Variants in BCL2L13 observed in about 807,000 individuals in gnomAD.
BCL2L13 encodes bcl-2-like protein 13.
In BCL2L13, 13 loss-of-function variants were observed where a neutral mutation model predicts 25.8. That is an observed-to-expected ratio of 0.50 (90% CI 0.33 to 0.80). The LOEUF (loss-of-function observed/expected upper bound fraction) is 0.80, where lower values mean the gene tolerates loss of function less well. Among genes scored for constraint, BCL2L13 ranks in the 30% least tolerant of loss-of-function variants. The pLI is 0.02. For synonymous variants in BCL2L13, 244 were observed against 230.3 expected (o/e 1.06, Z -0.54); for missense variants, 504 against 574.9 (o/e 0.88, Z 1.26).
intron 6 of BCL2L13, among the ~76,000 whole-genome samples, chr22:17,720,158 C>A (rs1283183228): frequency 6.8e-6 from 1 of 146,300 alleles, no homozygotes; most frequent in Admixed American, 6.7e-5. Context: ...GTTTCATTTT[C>A]TTTCTTTCTT....
chr22:17,641,131 C>T (rs1439058732), intron 1 of BCL2L13, among the ~76,000 whole-genome samples: 2 of 152,090 alleles, frequency 1.3e-5, no homozygotes, highest in Non-Finnish European at 2.9e-5. Flanking sequence ...ACCTCGCGAT[C>T]TGCCCGCCTC....
chr22:17,645,727 TG>T (rs1309567104), intron 1 of BCL2L13, among the ~76,000 whole-genome samples: 1 of 151,548 alleles, frequency 6.6e-6, no homozygotes, highest in Non-Finnish European at 1.5e-5. Flanking sequence ...ATGTTTTATT[TG>T]TGGCTGGTTT....
chr22:17,688,939 ATAGATATTG>A, intron 3 of BCL2L13, 38 bp from the exon 4 acceptor site: 1 of 1,572,838 alleles, frequency 6.4e-7, no homozygotes, highest in Non-Finnish European at 8.6e-7. Context: ...AGCTAATTTT[ATAGATATTG>A]TTTATTATAT....
chr22:17,677,954 G>A (rs1246377202), intron 2 of BCL2L13, among the ~76,000 whole-genome samples: 3 of 152,268 alleles, frequency 2.0e-5, no homozygotes, highest in South Asian at 4.1e-4. Flanking sequence ...GCTGAGGTGG[G>A]AAGATCGCTT....
upstream of BCL2L13, among the ~76,000 whole-genome samples, chr22:17,636,398 G>A (rs570080940): frequency 2.0e-5 from 3 of 151,998 alleles, no homozygotes; most frequent in South Asian, 4.2e-4. Context: ...GGAGGCTGAG[G>A]TGGAACAATT....
rs571844627 is a variant in BCL2L13 at position 17,661,656 on chromosome 22, C to T, written c.121+5824C>T. Reference sequence around the variant, plus strand: ...TACACGTAAATAAATAGAAATCCATCTGTCCTTAGAGATTTCACACTTACT... The same window carrying T: ...TACACGTAAATAAATAGAAATCCATTTGTCCTTAGAGATTTCACACTTACT... On this transcript the variant is annotated intron_variant, in intron 2 of 6. Transcript: ENST00000317582. 8.2e-5 allele frequency among the ~76,000 whole-genome samples: 12 copies of T among 145,870 alleles called. 2 individuals are homozygous for T. Among genetic ancestry groups the T allele is most frequent in the African/African-American group, 1.2e-4 (5 of 41,078 alleles).
intron 3 of BCL2L13, among the ~76,000 whole-genome samples, chr22:17,686,218 G>A (rs564306684): frequency 1.1e-4 from 17 of 152,192 alleles, no homozygotes; most frequent in Admixed American, 1.0e-3. Context: ...GGAGGCTGAA[G>A]TGGGTGGATC....
At chr22:17,645,830 T>TGGA (rs2058454652) in intron 1 of BCL2L13, among the ~76,000 whole-genome samples, 2 of 151,444 alleles carry the variant, frequency 1.3e-5, no homozygotes, top group African/African-American at 4.9e-5. Flanking sequence ...TTGGCCCTCT[T>TGGA]TATCCAGTTT....
chr22:17,638,568 G>C (rs11089197), upstream of BCL2L13: 232,365 of 784,414 alleles, frequency 0.3, 36,496 homozygotes, highest in African/African-American at 0.46. Flanking sequence ...TCTGAGAGAC[G>C]GAACTTCCGA....
chr22:17,728,305 C>G lies in BCL2L13; in HGVS notation c.*771C>G, dbSNP rs1432564836. ...CAGCTCCACCTTGTAAAAATGCTGCCTTTGGGAATCTTCGAAATATGTACA... is the reference window on the plus strand; with the variant it reads ...CAGCTCCACCTTGTAAAAATGCTGCGTTTGGGAATCTTCGAAATATGTACA... On this transcript the variant is annotated 3_prime_UTR_variant, in exon 7 of 7. Transcript: ENST00000317582. 6.6e-6 allele frequency: 1 copy of G among 152,180 alleles called. No homozygotes were observed. Among genetic ancestry groups the G allele is most frequent in the East Asian group, 1.9e-4 (1 of 5,198 alleles). The allele number at this position is 152,180 out of a possible 1,614,324, so 9.4% of individuals were successfully genotyped here. A position where few individuals can be genotyped will look rare whatever the true frequency, so the allele number is the denominator to read the frequency against.
At chr22:17,675,812 T>C (rs1284253498) in intron 2 of BCL2L13, among the ~76,000 whole-genome samples, 1 of 152,204 alleles carries the variant, frequency 6.6e-6, no homozygotes, top group Non-Finnish European at 1.5e-5. Context: ...AAGCAACACA[T>C]ATTAAGCCAT....
intron 6 of BCL2L13, among the ~76,000 whole-genome samples, chr22:17,725,909 T>G (rs1010106720): frequency 2.7e-5 from 4 of 150,298 alleles, no homozygotes; most frequent in African/African-American, 9.7e-5. Context: ...AATATATTAA[T>G]TTACAAATAT....
chr22:17,680,851 C>G (rs561703061), intron 2 of BCL2L13, among the ~76,000 whole-genome samples: 10 of 152,232 alleles, frequency 6.6e-5, no homozygotes, highest in African/African-American at 2.4e-4. Flanking sequence ...AGCTCACTCC[C>G]TTGAGTAAGA....
At chr22:17,641,801 T>C (rs12169740) in intron 1 of BCL2L13, among the ~76,000 whole-genome samples, 2 of 114,470 alleles carry the variant, frequency 1.7e-5, no homozygotes, top group African/African-American at 6.7e-5. Flanking sequence ...AATATGTGTT[T>C]TTTTTTTTTT....
chr22:17,654,625 T>G (rs964761780), intron 1 of BCL2L13, among the ~76,000 whole-genome samples: 1 of 151,288 alleles, frequency 6.6e-6, no homozygotes, highest in African/African-American at 2.4e-5. Flanking sequence ...GGGGTTTCAC[T>G]CTGTTAGCCA....
intron 4 of BCL2L13, among the ~76,000 whole-genome samples, chr22:17,693,132 G>A (rs1351946724): frequency 6.6e-6 from 1 of 151,784 alleles, no homozygotes; most frequent in African/African-American, 2.4e-5. Context: ...ATGTGGGTTT[G>A]GGATAATTTC....
chr22:17,696,310 C>T (rs575011234), intron 5 of BCL2L13, 100 bp downstream of exon 5: 92 of 989,780 alleles, frequency 9.3e-5, no homozygotes, highest in Non-Finnish European at 1.3e-4. Flanking sequence ...TGTTAGAGCT[C>T]ATTCTTTAAT....
chr22:17,683,296 ATC>A lies in BCL2L13; in HGVS notation c.208_209del (p.Leu70GlyfsTer6). 1 of 1,572,750 alleles carries A rather than the reference ATC, an allele frequency of 6.4e-7. No homozygotes were observed. The highest frequency in any genetic ancestry group is 2.3e-5 in the East Asian group (1 of 44,404). ...AAACTGAAATTGAAGAAGAGCTAAA[ATC>A]TCTGGACAAAGAAATTTCTGAAGGT... ...VKTEIEEELK[S>X]LDKEISEAFT... On this transcript the variant is annotated frameshift_variant, in exon 3 of 7. Transcript: ENST00000317582. LOFTEE classifies it high-confidence loss of function.
intron 4 of BCL2L13, 156 bp from the exon 5 acceptor site, chr22:17,695,985 C>A: frequency 6.3e-5 from 26 of 414,604 alleles, no homozygotes; most frequent in East Asian, 2.9e-4. Flanking sequence ...AAAGTGCATA[C>A]TAGTGTGAAA....
Sources: gnomAD v4.1 joint callset for allele counts (sites outside exome capture counted in the v4.1 genomes callset) on GRCh38, gnomAD v4.1.1 for gene constraint, MANE v1.5 for transcripts, NCBI Gene and HGNC (gene_info 2026-07-23, HGNC 2026-07-21) for gene names.